The following CCNT2 variants were observed in gnomAD, a reference collection of about 807,000 sequenced individuals.
CCNT2 encodes the protein cyclin-T2.
A neutral mutation model predicts 70.0 loss-of-function variants in CCNT2; 18 were observed. That is an observed-to-expected ratio of 0.26 (90% confidence interval 0.18 to 0.38). The LOEUF (loss-of-function observed/expected upper bound fraction) is 0.38, where lower values mean the gene tolerates loss of function less well. Ranked by LOEUF, CCNT2 falls within the 10% of genes least tolerant of loss-of-function variation. CCNT2 has a pLI of 1.00. For missense variants in CCNT2, 734 were observed against 890.2 expected, an observed-to-expected ratio of 0.82 and a Z score of 2.23; for synonymous variants, 334 against 313.3, an observed-to-expected ratio of 1.07 and a Z score of -0.70.
chr2:134,940,431 A>G (rs78697654), intron 4 of CCNT2, among the ~76,000 whole-genome samples: 52,610 of 151,968 alleles, frequency 0.35, 9,882 homozygotes, highest in Middle Eastern at 0.67. Flanking sequence ...GCCATAAAAT[A>G]TACATAAATC....
Position 134,958,073 on chromosome 2 carries a change from C to T in CCNT2, c.*3425C>T, listed in dbSNP as rs1683027023. The T allele has an allele frequency of 1.3e-5, 2 of 152,098 alleles. No homozygotes were observed. The highest frequency in any genetic ancestry group is 2.9e-5 in the Non-Finnish European group (2 of 67,996). The allele number at this position is 152,098 out of a possible 1,614,324, so 9.4% of individuals were successfully genotyped here. On this transcript the variant is annotated 3_prime_UTR_variant, in exon 9 of 9. Transcript: ENST00000264157. ...AGAACTTAAATTGCTGACTTGTATT[C>T]GTTAAGCAACCTTAGAAATAAACCA...
intron 5 of CCNT2, chr2:134,943,113 A>T: frequency 1.0e-6 from 1 of 985,096 alleles, no homozygotes; most frequent in Non-Finnish European, 1.2e-6. Context: ...GCCTTTGTTA[A>T]AAGATTTGTC....
intron 2 of CCNT2, among the ~76,000 whole-genome samples, chr2:134,929,699 G>C (rs1449812218): frequency 6.8e-6 from 1 of 147,384 alleles, no homozygotes; most frequent in African/African-American, 2.5e-5. Flanking sequence ...ACCCAGGCTG[G>C]AGTGCAGTGG....
chr2:134,945,300 T>G, intron 5 of CCNT2: 2 of 985,328 alleles, frequency 2.0e-6, no homozygotes, highest in Non-Finnish European at 2.4e-6. Context: ...AGGGGAAAGA[T>G]ATGTCAGTGC....
At chr2:134,920,004 G>T (rs1679767419) in intron 2 of CCNT2, 113 bp downstream of exon 2, 2 of 640,284 alleles carry the variant, frequency 3.1e-6, no homozygotes, top group East Asian at 5.8e-5. Context: ...AACGGTAAAC[G>T]TATATCACGT....
At chr2:134,938,039 G>A (rs1223633148) in intron 3 of CCNT2, among the ~76,000 whole-genome samples, 1 of 152,104 alleles carries the variant, frequency 6.6e-6, no homozygotes, top group Non-Finnish European at 1.5e-5. Flanking sequence ...AACTATATCT[G>A]ATTTTATTAA....
chr2:134,953,367 A>G lies in CCNT2; in HGVS notation c.912A>G (p.Pro304=). ...CTACAAACCCAAGTTTTCAGAAACC[A>G]TCTACATCAGCATTCCCTGCGCCAG... ...GVPTNPSFQK[P]STSAFPAPVP... is the part of the protein sequence containing the mutation. The change falls in exon 9 of 9, where the codon CCA becomes CCG. Residue 304 remains proline, a synonymous_variant. Coordinates refer to ENST00000264157, the MANE Select transcript of CCNT2 (RefSeq NM_058241.3). The G allele has an allele frequency of 6.2e-7, 1 of 1,603,316 alleles. No individual in the cohort carries two copies. The highest frequency in any genetic ancestry group is 8.5e-7 in the Non-Finnish European group (1 of 1,174,114).
Position 134,949,559 on chromosome 2 carries a change from A to G in CCNT2, c.703+1660A>G, listed in dbSNP as rs139895698. On this transcript the variant is annotated intron_variant, in intron 7 of 8. Transcript: ENST00000264157. Reference sequence around the variant, plus strand: ...TTTCTATTTTGTTTTCCACCTGGAAAAAATTATCCCAGAATATATATCTCA... The same window carrying G: ...TTTCTATTTTGTTTTCCACCTGGAAGAAATTATCCCAGAATATATATCTCA... Among the ~76,000 whole-genome samples, 395 of 152,318 alleles carry G rather than the reference A, an allele frequency of 2.6e-3. 3 individuals are homozygous for G. The highest frequency in any genetic ancestry group is 0.01 in the Middle Eastern group (3 of 292).
rs1425484074 is a variant in CCNT2 at position 134,947,737 on chromosome 2, C to G, written c.541C>G (p.Leu181Val). 1 of 1,477,498 alleles carries G rather than the reference C, an allele frequency of 6.8e-7. No individual in the cohort carries two copies. The highest frequency in any genetic ancestry group is 1.8e-5 in the Admixed American group (1 of 54,572). 91.5% of individuals were successfully genotyped at this position (1,477,498 alleles called of 1,614,324 possible). A position where few individuals can be genotyped will look rare whatever the true frequency, so the allele number is the denominator to read the frequency against. Residue 181 changes from leucine to valine, a missense_variant and splice_region_variant, in exon 7 of 9, where the codon CTG becomes GTG. Around this residue, in one of 3 missense-constraint regions of CCNT2, gnomAD observed 161 missense variants for 303.8 expected, o/e 0.53. Transcript: ENST00000264157. ...ATTTTCAAACCTGCTCTGCAACAGT[C>G]TGCATCTTACAACCTTCTGTCTTCA... ...QTSYFMATNS[L>V]HLTTFCLQYK...
chr2:134,942,569 T>G (rs764331093), intron 4 of CCNT2, 43 bp from the exon 5 acceptor site: 1 of 1,422,380 alleles, frequency 7.0e-7, no homozygotes, highest in Non-Finnish European at 9.9e-7. Flanking sequence ...AGGCAAGTAC[T>G]GTAGTGGTAA....
At position 134,932,371 on chromosome 2, in the gene CCNT2, G is replaced by A. The variant is rs1680845933; in HGVS notation, c.241-4470G>A. ...CCACTAAATAATTTTTTAAATGCCG[G>A]TTATGTTAACCATTTTCAGTATATT... is the stretch of plus-strand genomic sequence containing the variant. On this transcript the variant is annotated intron_variant, in intron 2 of 8. Transcript: ENST00000264157. Among the ~76,000 whole-genome samples the A allele has an allele frequency of 2.0e-5, 3 of 152,174 alleles. No individual in the cohort carries two copies. The South Asian group carries it at 6.2e-4, about 32-fold the overall frequency.
At chr2:134,925,909 G>C (rs1355230607) in intron 2 of CCNT2, among the ~76,000 whole-genome samples, 2 of 137,532 alleles carry the variant, frequency 1.5e-5, no homozygotes, top group African/African-American at 5.5e-5. Flanking sequence ...TCTGACACCC[G>C]GGCTGGAGTG....
At chr2:134,938,422 G>A (rs1324174230) in intron 3 of CCNT2, among the ~76,000 whole-genome samples, 2 of 152,176 alleles carry the variant, frequency 1.3e-5, no homozygotes, top group Admixed American at 6.5e-5. Context: ...CAGAGTAACT[G>A]TAATAGAGGG....
intron 4 of CCNT2, among the ~76,000 whole-genome samples, chr2:134,941,126 A>T (rs1256096968): frequency 6.6e-6 from 1 of 152,200 alleles, no homozygotes; most frequent in Non-Finnish European, 1.5e-5. Flanking sequence ...AAGGTGAAGG[A>T]TCTAAAGCCA....
chr2:134,941,544 TC>T (rs1337937157), intron 4 of CCNT2, among the ~76,000 whole-genome samples: 1 of 152,134 alleles, frequency 6.6e-6, no homozygotes, highest in Non-Finnish European at 1.5e-5. Flanking sequence ...CCTGCGTTGT[TC>T]AGAGGTCAGC....
rs1682706494 is a variant in CCNT2, at chr2:134,953,715, T to C, written c.1260T>C (p.His420=). The change falls in exon 9 of 9, where the codon CAT becomes CAC. Residue 420 remains histidine, a synonymous_variant. Coordinates refer to ENST00000264157, the MANE Select transcript of CCNT2 (RefSeq NM_058241.3). ...YTHKAGSSKH[H]GPISTTPGII... ...ATAAAGCAGGGAGCAGTAAACACCATGGGCCAATTTCCACTACTCCAGGAA... is the reference window on the plus strand; with the variant it reads ...ATAAAGCAGGGAGCAGTAAACACCACGGGCCAATTTCCACTACTCCAGGAA... 2 of 1,613,862 alleles carry C rather than the reference T, an allele frequency of 1.2e-6. No individual in the cohort carries two copies. The highest frequency in any genetic ancestry group is 1.3e-5 in the African/African-American group (1 of 74,922).
chr2:134,930,651 T>C (rs1680681344), intron 2 of CCNT2, among the ~76,000 whole-genome samples: 1 of 152,182 alleles, frequency 6.6e-6, no homozygotes, highest in African/African-American at 2.4e-5. Context: ...TCTCAAAATG[T>C]GTGAGGGTTG....
intron 4 of CCNT2, among the ~76,000 whole-genome samples, chr2:134,942,035 T>C (rs1351830294): frequency 6.6e-6 from 1 of 152,044 alleles, no homozygotes; most frequent in African/African-American, 2.4e-5. Context: ...CGTTGATAGC[T>C]TTTAAACATT....
chr2:134,935,320 T>C (rs1681067613), intron 2 of CCNT2, among the ~76,000 whole-genome samples: 1 of 152,268 alleles, frequency 6.6e-6, no homozygotes, highest in Non-Finnish European at 1.5e-5. Flanking sequence ...TATAAAGATT[T>C]ACCAGAAGGA....
Sources: allele counts gnomAD v4.1 joint callset (sites outside exome capture counted in the v4.1 genomes callset), GRCh38; gene constraint gnomAD v4.1.1; regional missense constraint gnomAD v4.1.1; transcripts MANE v1.5; gene names NCBI Gene and HGNC (gene_info 2026-07-23, HGNC 2026-07-21).